Variants in ENAM observed in about 807,000 individuals in gnomAD.
The protein encoded by ENAM is enamelin, also known as amelogenesis imperfecta 2, hypocalcification (autosomal dominant).
In ENAM, 21 loss-of-function variants were observed where a neutral mutation model predicts 33.6. The ratio of observed to expected loss-of-function variants is 0.63; its 90% CI spans 0.44 to 0.90. The LOEUF is 0.90. Among genes scored for constraint, ENAM ranks in the 40% least tolerant of loss-of-function variants. The pLI is 0.00. For missense variants in ENAM, 1,388 were observed against 1,366.9 expected, an observed-to-expected ratio of 1.02 and a Z score of -0.24; for synonymous variants, 473 against 468.4, an observed-to-expected ratio of 1.01 and a Z score of -0.13.
At chr4:70,632,479 T>A (rs1008901606) in intron 4 of ENAM, among the ~76,000 whole-genome samples, 172 bp from the exon 5 acceptor site, 1 of 152,064 alleles carries the variant, frequency 6.6e-6, no homozygotes, top group South Asian at 2.1e-4. Flanking sequence ...TTTCTTAAAA[T>A]TCAAGCATAA....
chr4:70,641,380 A>T (rs1000237270), intron 8 of ENAM, among the ~76,000 whole-genome samples: 5 of 146,200 alleles, frequency 3.4e-5, no homozygotes, highest in African/African-American at 7.6e-5. Flanking sequence ...ATTTTTTTTT[A>T]TTTTATTTAT....
Position 70,635,875 on chromosome 4 carries a change from C to G in ENAM, c.515C>G (p.Pro172Arg). ...FGNGLFPYQQ[P>R]PWQIPQRLPP... is the part of the protein sequence containing the mutation. ...AATGGGCTATTCCCCTATCAACAAC[C>G]ACCATGGCAAATTCCACAGGTGAGA... The change falls in exon 7 of 9, where the codon CCA becomes CGA. Residue 172 changes from proline to arginine, a missense_variant. Transcript: ENST00000396073. 1.9e-6 allele frequency: 3 copies of G among 1,607,012 alleles called. No individual in the cohort carries two copies. The highest frequency in any genetic ancestry group is 2.6e-6 in the Non-Finnish European group (3 of 1,174,586).
intron 5 of ENAM, among the ~76,000 whole-genome samples, chr4:70,634,031 A>G (rs1289844264): frequency 6.6e-6 from 1 of 152,180 alleles, no homozygotes; most frequent in African/African-American, 2.4e-5. Context: ...AGGGTTTCAG[A>G]GTTAGAAAAT....
chr4:70,643,143 T>G lies in ENAM; in HGVS notation c.1717T>G (p.Ser573Ala), dbSNP rs1235985739. Reference sequence around the variant, plus strand: ...AAATACTTGGGACCACCAAGAAATCTCTCCACCTTTTAAGGAAGATCCAGG... The same window carrying G: ...AAATACTTGGGACCACCAAGAAATCGCTCCACCTTTTAAGGAAGATCCAGG... ...GRNTWDHQEI[S>A]PPFKEDPGRQ... Residue 573 changes from serine to alanine, a missense_variant, in exon 9 of 9, where the codon TCT becomes GCT. Ser to Ala is a moderately conservative substitution (Grantham distance 99). Transcript: ENST00000396073. 1 of 1,613,814 alleles carries G rather than the reference T, an allele frequency of 6.2e-7. No individual in the cohort carries two copies. Among genetic ancestry groups the G allele is most frequent in the Non-Finnish European group, 8.5e-7 (1 of 1,180,010 alleles).
chr4:70,638,121 A>G (rs1738505129), intron 8 of ENAM, among the ~76,000 whole-genome samples: 1 of 152,168 alleles, frequency 6.6e-6, no homozygotes, highest in South Asian at 2.1e-4. Context: ...GATTATATTA[A>G]TACAAATAAA....
Position 70,646,065 on chromosome 4 carries a change from T to G in ENAM, c.*1210T>G, listed in dbSNP as rs1281217109. 1 of 152,044 alleles carries G rather than the reference T, an allele frequency of 6.6e-6. No homozygotes were observed. The highest frequency in any genetic ancestry group is 1.5e-5 in the Non-Finnish European group (1 of 68,000). 9.4% of individuals were successfully genotyped at this position (152,044 alleles called of 1,614,324 possible). ...AAAAACTCAATGTTTAGTTGTTTTT[T>G]TTTTTTTTTACTAGTTCAGCATAAG... On this transcript the variant is annotated 3_prime_UTR_variant, in exon 9 of 9. Coordinates refer to ENST00000396073, the MANE Select transcript of ENAM (RefSeq NM_031889.3).
At chr4:70,635,943 A>G (rs1263674136) in intron 7 of ENAM, 49 bp downstream of exon 7, 40 of 974,936 alleles carry the variant, frequency 4.1e-5, no homozygotes, top group Non-Finnish European at 5.5e-5. Flanking sequence ...TAATATTAGT[A>G]TGTTATAATT....
At chr4:70,635,033 GT>G (rs1249806652) in intron 6 of ENAM, among the ~76,000 whole-genome samples, 1 of 152,174 alleles carries the variant, frequency 6.6e-6, no homozygotes, top group Non-Finnish European at 1.5e-5. Flanking sequence ...GTAAGAAGAT[GT>G]GCAAATGGTT....
intron 2 of ENAM, 110 bp downstream of exon 2, chr4:70,629,664 A>G (rs1009719280): frequency 7.0e-6 from 6 of 853,800 alleles, no homozygotes; most frequent in Non-Finnish European, 1.2e-5. Flanking sequence ...GAAGACTCAA[A>G]GAGCATCTGC....
At position 70,643,265 on chromosome 4, in the gene ENAM, A is replaced by T; in HGVS notation, c.1839A>T (p.Pro613=). 6.2e-7 allele frequency: 1 copy of T among 1,614,100 alleles called. No homozygotes were observed. Among genetic ancestry groups the T allele is most frequent in the Non-Finnish European group, 8.5e-7 (1 of 1,179,994 alleles). The part of the protein sequence containing the change: ...YNPYDPRENS[P]YLRGNTWDER... Reference sequence around the variant, plus strand: ...CATATGATCCCAGGGAAAACTCACCATACCTTAGAGGCAATACATGGGATG... The same window carrying T: ...CATATGATCCCAGGGAAAACTCACCTTACCTTAGAGGCAATACATGGGATG... Residue 613 remains proline (P), a synonymous_variant, in exon 9 of 9, where the codon CCA becomes CCT. Transcript: ENST00000396073.
At chr4:70,636,820 G>A (rs1334187156) in intron 7 of ENAM, among the ~76,000 whole-genome samples, 1 of 149,604 alleles carries the variant, frequency 6.7e-6, no homozygotes, top group Non-Finnish European at 1.5e-5. Context: ...AAGCCTCAAA[G>A]AATCTTAAAC....
At chr4:70,631,136 A>G (rs1225091363) in intron 2 of ENAM, among the ~76,000 whole-genome samples, 1 of 152,188 alleles carries the variant, frequency 6.6e-6, no homozygotes, top group Admixed American at 6.6e-5. Context: ...TGCATATTCC[A>G]GTTTACTTAG....
rs140345705 is a variant in ENAM, at chr4:70,644,652, G to A, written c.3226G>A (p.Asp1076Asn). The A allele has an allele frequency of 2.3e-5, 37 of 1,614,078 alleles. No homozygotes were observed. The highest frequency in any genetic ancestry group is 5.3e-5 in the African/African-American group (4 of 75,034). The change falls in exon 9 of 9, where the codon GAT becomes AAT. Residue 1076 changes from aspartate to asparagine, a missense_variant. By Grantham distance (23) the Asp-to-Asn change is conservative. Coordinates refer to ENST00000396073, the MANE Select transcript of ENAM (RefSeq NM_031889.3). ...HSSTTGTPSS[D>N]GRQSPFDGDS... ...TTCCACCACCGGAACTCCATCTAGC[G>A]ATGGAAGGCAAAGCCCATTTGATGG...
At position 70,643,684 on chromosome 4, in the gene ENAM, G is replaced by T; in HGVS notation, c.2258G>T (p.Gly753Val). 6.2e-7 allele frequency: 1 copy of T among 1,614,072 alleles called. No individual in the cohort carries two copies. Among genetic ancestry groups the T allele is most frequent in the African/African-American group, 1.3e-5 (1 of 75,010 alleles). Residue 753 changes from glycine (G) to valine (V), a missense_variant, in exon 9 of 9, where the codon GGA becomes GTA. Gly to Val is a moderately radical substitution (Grantham distance 109). Transcript: ENST00000396073. ...SRGYYVNNAA[G>V]PEESTLFPSR... ...GGCTACTACGTTAATAATGCCGCTGGACCAGAAGAAAGCACTCTATTTCCT... is the reference window on the plus strand; with the variant it reads ...GGCTACTACGTTAATAATGCCGCTGTACCAGAAGAAAGCACTCTATTTCCT...
chr4:70,634,746 C>A (rs1157539705), intron 6 of ENAM, among the ~76,000 whole-genome samples, 178 bp downstream of exon 6: 1 of 152,162 alleles, frequency 6.6e-6, no homozygotes, highest in Non-Finnish European at 1.5e-5. Context: ...GTTGAAATTA[C>A]CCAAATACTG....
chr4:70,631,811 A>G, intron 3 of ENAM, 38 bp from the exon 4 acceptor site: 1 of 1,611,902 alleles, frequency 6.2e-7, no homozygotes, highest in Middle Eastern at 1.7e-4. Context: ...ATTTCAACTG[A>G]TGTTCTGCAT....
At position 70,641,610 on chromosome 4, in the gene ENAM, G is replaced by A. The variant is rs959403428; in HGVS notation, c.589-405G>A. Among the ~76,000 whole-genome samples the A allele has an allele frequency of 5.9e-5, 9 of 151,842 alleles. No homozygotes were observed. In the East Asian group the frequency reaches 9.7e-4, roughly 16 times the overall value. ...TCACCATGTTGGCCAGGATTGTCTC[G>A]AACTCCTGACCTCGTGATCCACCTG... On this transcript the variant is annotated intron_variant, in intron 8 of 8. Coordinates refer to ENST00000396073, the MANE Select transcript of ENAM (RefSeq NM_031889.3).
chr4:70,642,779 A>T lies in ENAM; in HGVS notation c.1353A>T (p.Thr451=). The change falls in exon 9 of 9, where the codon ACA becomes ACT. Residue 451 remains threonine (T), a synonymous_variant. Transcript: ENST00000396073. ...CAAAAGAACAAATAATAGTTCCTACAAAGAATCCAACCAGCCCCTGGAGAA... is the reference window on the plus strand; with the variant it reads ...CAAAAGAACAAATAATAGTTCCTACTAAGAATCCAACCAGCCCCTGGAGAA... ...LGPKEQIIVP[T]KNPTSPWRNS... is the part of the protein sequence containing the mutation. 1.9e-6 allele frequency: 3 copies of T among 1,613,460 alleles called. No homozygotes were observed. Among genetic ancestry groups the T allele is most frequent in the Non-Finnish European group, 2.5e-6 (3 of 1,179,870 alleles).
chr4:70,631,805 C>T (rs1560399972), intron 3 of ENAM, 44 bp from the exon 4 acceptor site: 2 of 1,611,546 alleles, frequency 1.2e-6, no homozygotes, highest in Non-Finnish European at 1.7e-6. Context: ...GAGCTTATTT[C>T]AACTGATGTT....
Sources: allele counts gnomAD v4.1 joint callset (sites outside exome capture counted in the v4.1 genomes callset), GRCh38; gene constraint gnomAD v4.1.1; transcripts MANE v1.5; gene names NCBI Gene and HGNC (gene_info 2026-07-23, HGNC 2026-07-21).